COL5A3: variants seen among roughly 807,000 people sequenced by gnomAD.
The protein encoded by COL5A3 is collagen type V alpha 3 chain.
COL5A3 carries 172 observed loss-of-function variants against 250.0 expected under a neutral mutation model. That is an observed-to-expected ratio of 0.69 (90% CI 0.61 to 0.78). The LOEUF is 0.78. COL5A3 is among the 30% of genes least tolerant of loss of function. The probability of loss-of-function intolerance (pLI) is 0.00; values close to 1 mark genes in which losing one functional copy is unlikely to be tolerated. For missense variants in COL5A3, 2,340 were observed against 2,334.4 expected (o/e 1.00, Z -0.05); for synonymous variants, 937 against 900.4 (o/e 1.04, Z -0.73).
chr19:9,965,462 T>TTTC (rs1296652611), intron 64 of COL5A3, among the ~76,000 whole-genome samples: 2 of 150,848 alleles, frequency 1.3e-5, no homozygotes, highest in Non-Finnish European at 3.0e-5. Flanking sequence ...GGCCTTCTTT[T>TTTC]TTTTTTTTCT....
At chr19:9,969,065 G>A (rs951129495) in intron 57 of COL5A3, among the ~76,000 whole-genome samples, 1 of 152,112 alleles carries the variant, frequency 6.6e-6, no homozygotes, top group Non-Finnish European at 1.5e-5. Flanking sequence ...GAGGGTTATA[G>A]AGATGGGCAG....
Position 9,968,023 on chromosome 19 carries a change from C to A in COL5A3, c.4368+3G>T. On this transcript the variant is annotated splice_donor_region_variant and intron_variant, in intron 60 of 66. Coordinates refer to ENST00000264828, the MANE Select transcript of COL5A3 (RefSeq NM_015719.4). This position sits in a 1 kb window ranked among gnomAD's most constrained non-coding sequence, Gnocchi z 4.1. ...TCCCACAAAAGATTCCCTGCATACT[C>A]ACCGCCACACCTGGGGGCCCAGGGT... 6.3e-7 allele frequency: 1 copy of A among 1,591,620 alleles called. No homozygotes were observed. Among genetic ancestry groups the A allele is most frequent in the South Asian group, 1.2e-5 (1 of 86,490 alleles).
At position 9,995,546 on chromosome 19, in the gene COL5A3, G is replaced by T; in HGVS notation, c.1587+18C>A. 6.2e-7 allele frequency: 1 copy of T among 1,604,768 alleles called. No individual in the cohort carries two copies. The highest frequency in any genetic ancestry group is 1.1e-5 in the South Asian group (1 of 89,860). On this transcript the variant is annotated intron_variant, in intron 16 of 66. Coordinates refer to ENST00000264828, the MANE Select transcript of COL5A3 (RefSeq NM_015719.4). ...AGGGATGGATAAGGGGTGGTCTGGGGACCTAGCTGTCACTCACCATCTTGC... is the reference window on the plus strand; with the variant it reads ...AGGGATGGATAAGGGGTGGTCTGGGTACCTAGCTGTCACTCACCATCTTGC...
At chr19:9,965,380 T>C (rs2086728031) in intron 64 of COL5A3, among the ~76,000 whole-genome samples, 1 of 151,442 alleles carries the variant, frequency 6.6e-6, no homozygotes. Flanking sequence ...ATGGTCTCGA[T>C]CTCCTGACCT....
At chr19:9,995,495 A>G in intron 16 of COL5A3, 69 bp downstream of exon 16, 1 of 1,431,250 alleles carries the variant, frequency 7.0e-7, no homozygotes, top group Non-Finnish European at 9.5e-7. Context: ...CCAAGGTCAC[A>G]AAGCCAAGGC....
At chr19:10,002,877 T>C (rs550152349) in intron 6 of COL5A3, among the ~76,000 whole-genome samples, 272 of 152,182 alleles carry the variant, frequency 1.8e-3, no homozygotes, top group Admixed American at 3.7e-3. Context: ...TTCCAACTTG[T>C]GGCCCCAATG....
chr19:10,008,129 G>A (rs182725383), intron 1 of COL5A3, among the ~76,000 whole-genome samples: 147 of 152,130 alleles, frequency 9.7e-4, no homozygotes, highest in African/African-American at 3.4e-3. Flanking sequence ...ACTTCCCCAC[G>A]GAACAATCAT....
At chr19:9,993,304 G>T in intron 19 of COL5A3, 76 bp downstream of exon 19, 2 of 1,527,170 alleles carry the variant, frequency 1.3e-6, no homozygotes, top group Non-Finnish European at 1.8e-6. Context: ...GAGACCTCCA[G>T]ATCTTCCTCT....
At chr19:9,974,513 G>C (rs1428798947) in intron 45 of COL5A3, 105 bp from the exon 46 acceptor site, 1 of 857,790 alleles carries the variant, frequency 1.2e-6, no homozygotes, top group East Asian at 2.9e-5. Flanking sequence ...TCAGGGTTCA[G>C]ATTAAGTTTA....
intron 1 of COL5A3, among the ~76,000 whole-genome samples, chr19:10,007,513 G>A (rs1052159195): frequency 1.3e-5 from 2 of 152,232 alleles, no homozygotes. Context: ...CATGGCTTGG[G>A]CAGGGGCGGG....
At chr19:9,996,966 CAG>C in intron 11 of COL5A3, 2 of 528,854 alleles carry the variant, frequency 3.8e-6, no homozygotes, top group South Asian at 5.0e-5. Flanking sequence ...AACAGAGAGA[CAG>C]AGAGAGATAG....
intron 11 of COL5A3, 140 bp downstream of exon 11, chr19:9,997,231 C>G (rs925235793): frequency 5.6e-6 from 4 of 711,054 alleles, no homozygotes; most frequent in Non-Finnish European, 7.7e-6. Context: ...AGATGGGAGA[C>G]AGAGAACAGA....
intron 52 of COL5A3, 78 bp downstream of exon 52, chr19:9,971,127 G>C: frequency 1.4e-6 from 2 of 1,403,662 alleles, no homozygotes; most frequent in South Asian, 2.8e-5. Flanking sequence ...TCCACTGTCA[G>C]TGCCCAGGTC....
In COL5A3 at chr19:9,998,033, G is replaced by A. The variant is rs1473992743; in HGVS notation, c.1159-8C>T. 2 of 1,613,940 alleles carry A rather than the reference G, an allele frequency of 1.2e-6. No individual in the cohort carries two copies. The highest frequency in any genetic ancestry group is 8.5e-7 in the Non-Finnish European group (1 of 1,180,016). The stretch of plus-strand genomic sequence containing the variant: ...TCCCTCAAACTGCTGCCCCTGAAGG[G>A]AGAAGTGAGTGTCGGTGACCGCTGT... On this transcript the variant is annotated splice_polypyrimidine_tract_variant and splice_region_variant and intron_variant, in intron 9 of 66. Coordinates refer to ENST00000264828, the MANE Select transcript of COL5A3 (RefSeq NM_015719.4).
intron 27 of COL5A3, among the ~76,000 whole-genome samples, chr19:9,987,175 T>G (rs1447371780): frequency 6.6e-6 from 1 of 152,160 alleles, no homozygotes; most frequent in Non-Finnish European, 1.5e-5. Context: ...AGCGCTTAGT[T>G]CAAGTCTGGA....
chr19:9,979,480 C>G, intron 37 of COL5A3, 63 bp from the exon 38 acceptor site: 5 of 1,551,572 alleles, frequency 3.2e-6, no homozygotes, highest in Non-Finnish European at 4.4e-6. Context: ...GAGCAGGAGA[C>G]AGGGAAGGCC....
rs1250494767 is a variant in COL5A3 at position 9,995,557 on chromosome 19, C to G, written c.1587+7G>C. On this transcript the variant is annotated splice_region_variant and intron_variant, in intron 16 of 66. Coordinates refer to ENST00000264828, the MANE Select transcript of COL5A3 (RefSeq NM_015719.4). The stretch of plus-strand genomic sequence containing the variant: ...AGGGGTGGTCTGGGGACCTAGCTGT[C>G]ACTCACCATCTTGCCCACTCGGCCA... 1 of 1,607,044 alleles carries G rather than the reference C, an allele frequency of 6.2e-7. No individual in the cohort carries two copies. Among genetic ancestry groups the G allele is most frequent in the Non-Finnish European group, 8.5e-7 (1 of 1,176,002 alleles).
At chr19:9,969,468 A>G in intron 56 of COL5A3, 66 bp from the exon 57 acceptor site, 1 of 1,582,816 alleles carries the variant, frequency 6.3e-7, no homozygotes, top group East Asian at 2.2e-5. Context: ...CCCCCCCCCG[A>G]CCATGCACCA....
chr19:9,978,764 T>G, intron 40 of COL5A3, 127 bp downstream of exon 40: 1 of 908,340 alleles, frequency 1.1e-6, no homozygotes, highest in Non-Finnish European at 1.6e-6. Flanking sequence ...CCTTCCCCAG[T>G]TCCCTCCACC....
Sources: gnomAD v4.1 joint callset for allele counts (sites outside exome capture counted in the v4.1 genomes callset) on GRCh38, gnomAD v4.1.1 for gene constraint, Gnocchi (gnomAD v3.1) non-coding constraint, MANE v1.5 for transcripts, NCBI Gene and HGNC (gene_info 2026-07-23, HGNC 2026-07-21) for gene names.